Variants in EHBP1 observed in about 807,000 individuals in gnomAD.
EHBP1 encodes EH domain-binding protein 1.
EHBP1 carries 55 observed loss-of-function variants against 144.0 expected under a neutral mutation model. The observed-to-expected ratio is 0.38, with a 90% CI of 0.31 to 0.48. The LOEUF (loss-of-function observed/expected upper bound fraction) is 0.48. Among genes scored for constraint, EHBP1 ranks in the 20% least tolerant of loss-of-function variants. The pLI is 0.98. For synonymous variants in EHBP1, 469 were observed against 472.7 expected (o/e 0.99, Z 0.10); for missense variants, 1,200 against 1,364.2 (o/e 0.88, Z 1.90).
At chr2:63,018,314 ATAC>A (rs1246842213) in intron 19 of EHBP1, among the ~76,000 whole-genome samples, 1 of 152,216 alleles carries the variant, frequency 6.6e-6, no homozygotes, top group Non-Finnish European at 1.5e-5. Context: ...TTAAAATATC[ATAC>A]TTTCAAGTCT....
intron 1 of EHBP1, among the ~76,000 whole-genome samples, chr2:62,683,024 A>G (rs1193837663): frequency 2.0e-5 from 3 of 152,206 alleles, no homozygotes; most frequent in Non-Finnish European, 2.9e-5. Flanking sequence ...TTTCAGTTGC[A>G]AGCAGCAGAA....
intron 19 of EHBP1, among the ~76,000 whole-genome samples, chr2:63,021,942 A>G (rs2060771046): frequency 6.6e-6 from 1 of 151,896 alleles, no homozygotes; most frequent in African/African-American, 2.4e-5. Context: ...AATTTTTTGT[A>G]TTTTTAGTAG....
chr2:62,949,074 A>T lies in EHBP1; in HGVS notation c.2228A>T (p.Lys743Ile), dbSNP rs1434065416. The change falls in exon 13 of 23, where the codon AAA becomes ATA. Residue 743 changes from lysine to isoleucine, a missense_variant. This residue lies in a region of EHBP1 where 543 missense variants were observed against 513.1 expected (regional missense o/e 1.06). Coordinates refer to ENST00000431489, the MANE Select transcript of EHBP1 (RefSeq NM_001142616.3). ...AGAGATCTAGACCTTGCTAAGAAAA[A>T]ACATGCTTCCCTGAGGCAGACGGAG... ...YSRDLDLAKK[K>I]HASLRQTESD... 9 of 1,607,912 alleles carry T rather than the reference A, an allele frequency of 5.6e-6. No homozygotes were observed. Among genetic ancestry groups the T allele is most frequent in the African/African-American group, 1.3e-5 (1 of 74,498 alleles).
At position 62,791,952 on chromosome 2, in the gene EHBP1, C is replaced by T. The variant is rs115646634; in HGVS notation, c.312+20560C>T. ...CAAAAAATAACACTCAGCAGCAATA[C>T]TTGTTCTCTTCATATCGCTAATTAA... On this transcript the variant is annotated intron_variant, in intron 5 of 22. Coordinates refer to ENST00000431489, the MANE Select transcript of EHBP1 (RefSeq NM_001142616.3). 8.5e-3 allele frequency among the ~76,000 whole-genome samples: 1,298 copies of T among 152,066 alleles called. 13 individuals carry two copies. Among genetic ancestry groups the T allele is most frequent in the South Asian group, 0.016 (75 of 4,828 alleles).
chr2:62,727,799 C>T (rs1016479601), intron 2 of EHBP1, among the ~76,000 whole-genome samples: 1 of 152,068 alleles, frequency 6.6e-6, no homozygotes, highest in Non-Finnish European at 1.5e-5. Flanking sequence ...CTCTTTGGCT[C>T]CCTGTATAAT....
intron 7 of EHBP1, among the ~76,000 whole-genome samples, chr2:62,841,096 T>C (rs2047801717): frequency 6.6e-6 from 1 of 151,976 alleles, no homozygotes; most frequent in South Asian, 2.1e-4. Context: ...AAGCCAAATG[T>C]CCAACAATGA....
chr2:63,020,890 A>G (rs2060713419), intron 19 of EHBP1, among the ~76,000 whole-genome samples: 1 of 147,950 alleles, frequency 6.8e-6, no homozygotes, highest in African/African-American at 2.5e-5. Flanking sequence ...GTTGGCCAGG[A>G]TGGTCTTGAA....
At chr2:63,044,066 G>A (rs2061812746) in intron 21 of EHBP1, 2 of 147,816 alleles carry the variant, frequency 1.4e-5, no homozygotes, top group African/African-American at 5.0e-5. Context: ...CCTAATGAGG[G>A]AGGCGGGGTA....
At chr2:62,799,276 G>A (rs1394574105) in intron 5 of EHBP1, among the ~76,000 whole-genome samples, 1 of 152,028 alleles carries the variant, frequency 6.6e-6, no homozygotes, top group Non-Finnish European at 1.5e-5. Context: ...TTGAAATGTT[G>A]AATCTTGCAT....
At chr2:62,682,208 C>T (rs1184498438) in intron 1 of EHBP1, among the ~76,000 whole-genome samples, 2 of 152,142 alleles carry the variant, frequency 1.3e-5, no homozygotes, top group East Asian at 1.9e-4. Flanking sequence ...GAGGACTTTC[C>T]AATTTAAGAT....
intron 19 of EHBP1, among the ~76,000 whole-genome samples, chr2:63,019,629 C>T (rs1417458397): frequency 6.6e-6 from 1 of 151,562 alleles, no homozygotes; most frequent in Non-Finnish European, 1.5e-5. Flanking sequence ...ATCACTTGAA[C>T]CCAGAAGGTG....
intron 10 of EHBP1, among the ~76,000 whole-genome samples, chr2:62,898,413 C>G (rs886613728): frequency 5.9e-5 from 9 of 152,088 alleles, no homozygotes; most frequent in African/African-American, 2.2e-4. Flanking sequence ...TTGTTTTGTG[C>G]ATATCTTGAT....
chr2:63,015,532 AGACAG>A (rs1161286338), intron 19 of EHBP1, among the ~76,000 whole-genome samples: 18 of 151,968 alleles, frequency 1.2e-4, no homozygotes, highest in Admixed American at 1.2e-3. Flanking sequence ...GTTTGTTTAG[AGACAG>A]GGTCTTGCTA....
chr2:62,767,458 G>C (rs1395277654), intron 4 of EHBP1, among the ~76,000 whole-genome samples: 1 of 152,072 alleles, frequency 6.6e-6, no homozygotes, highest in Admixed American at 6.6e-5. Flanking sequence ...GACACTTTGG[G>C]AGGCTGAGGT....
At chr2:63,036,282 T>C (rs1356448623) in intron 19 of EHBP1, among the ~76,000 whole-genome samples, 1 of 152,042 alleles carries the variant, frequency 6.6e-6, no homozygotes. Flanking sequence ...TAGATGAATA[T>C]GTAATATGAG....
intron 5 of EHBP1, among the ~76,000 whole-genome samples, chr2:62,800,485 A>G (rs781517931): frequency 1.3e-5 from 2 of 152,330 alleles, no homozygotes; most frequent in Non-Finnish European, 2.9e-5. Context: ...TGCTGGTTAA[A>G]TAATTATAAA....
intron 12 of EHBP1, among the ~76,000 whole-genome samples, chr2:62,947,852 C>A (rs2057152566): frequency 6.6e-6 from 1 of 152,072 alleles, no homozygotes; most frequent in South Asian, 2.1e-4. Context: ...TCTAGTAGTT[C>A]TTTTGACTTA....
chr2:62,842,057 G>A (rs1305633831), intron 7 of EHBP1, among the ~76,000 whole-genome samples: 2 of 152,016 alleles, frequency 1.3e-5, no homozygotes, highest in Non-Finnish European at 1.5e-5. Context: ...AAAGAAAAGG[G>A]ACAAGGGACC....
chr2:62,953,643 A>G (rs888905775), intron 13 of EHBP1, among the ~76,000 whole-genome samples: 1 of 152,132 alleles, frequency 6.6e-6, no homozygotes, highest in Admixed American at 6.5e-5. Flanking sequence ...TAAGTGAAAA[A>G]AAAAGCATGA....
Sources: allele counts gnomAD v4.1 joint callset (sites outside exome capture counted in the v4.1 genomes callset), GRCh38; gene constraint gnomAD v4.1.1; regional missense constraint gnomAD v4.1.1; transcripts MANE v1.5; gene names NCBI Gene and HGNC (gene_info 2026-07-23, HGNC 2026-07-21).